SPPL3: variants seen among roughly 807,000 people sequenced by gnomAD.
SPPL3 encodes signal peptide peptidase-like 3.
SPPL3 carries 5 observed loss-of-function variants against 42.4 expected under a neutral mutation model. The ratio of observed to expected loss-of-function variants is 0.12; its 90% CI spans 0.06 to 0.25. The LOEUF is 0.25. SPPL3 is among the 10% of genes least tolerant of loss of function. The pLI is 1.00. For missense variants in SPPL3, 235 were observed against 489.0 expected, an observed-to-expected ratio of 0.48 and a Z score of 4.90; for synonymous variants, 195 against 181.8, an observed-to-expected ratio of 1.07 and a Z score of -0.58.
At chr12:120,878,176 T>G (rs1873167596) in intron 1 of SPPL3, among the ~76,000 whole-genome samples, 1 of 152,036 alleles carries the variant, frequency 6.6e-6, no homozygotes, top group Admixed American at 6.6e-5. Flanking sequence ...ACAAAAAGTA[T>G]AAAATATTTG....
intron 1 of SPPL3, among the ~76,000 whole-genome samples, chr12:120,817,933 T>G (rs1870934673): frequency 6.6e-6 from 1 of 152,096 alleles, no homozygotes; most frequent in African/African-American, 2.4e-5. Flanking sequence ...GGTTTGGGGA[T>G]CTGGGGTAAG....
intron 10 of SPPL3, 44 bp from the exon 11 acceptor site, chr12:120,765,114 G>A (rs74887195): frequency 0.023 from 37,007 of 1,587,280 alleles, 596 homozygotes; most frequent in South Asian, 0.048. Flanking sequence ...TAAACATGAG[G>A]CACACACAGC....
chr12:120,827,405 C>T (rs188909311), intron 1 of SPPL3, among the ~76,000 whole-genome samples: 74 of 150,480 alleles, frequency 4.9e-4, no homozygotes, highest in Admixed American at 8.6e-4. Flanking sequence ...TTTGGGGGCT[C>T]TTACTGAGTT....
intron 1 of SPPL3, among the ~76,000 whole-genome samples, chr12:120,815,242 G>A (rs753430404): frequency 6.6e-6 from 1 of 152,148 alleles, no homozygotes; most frequent in Non-Finnish European, 1.5e-5. Flanking sequence ...ACTCTCATCC[G>A]TAATGAACTC....
chr12:120,852,376 A>G (rs1012270324), intron 1 of SPPL3, among the ~76,000 whole-genome samples: 1 of 61,942 alleles, frequency 1.6e-5, no homozygotes, highest in African/African-American at 5.8e-5. Context: ...ATATGTATAT[A>G]TAATATACAT....
intron 1 of SPPL3, among the ~76,000 whole-genome samples, chr12:120,852,095 G>C (rs1366167855): frequency 8.9e-5 from 1 of 11,284 alleles, no homozygotes; most frequent in Non-Finnish European, 1.6e-3. Flanking sequence ...AAAATACTCT[G>C]TGATACCCAC....
chr12:120,810,446 T>C (rs987524511), intron 2 of SPPL3, among the ~76,000 whole-genome samples: 1 of 152,236 alleles, frequency 6.6e-6, no homozygotes, highest in African/African-American at 2.4e-5. Context: ...GTAGTTTTTT[T>C]TTCATATTTC....
At chr12:120,796,167 G>A (rs1870089864) in intron 2 of SPPL3, among the ~76,000 whole-genome samples, 1 of 152,120 alleles carries the variant, frequency 6.6e-6, no homozygotes, top group Non-Finnish European at 1.5e-5. Flanking sequence ...CTTGACGACA[G>A]GAGTTTGAAA....
At chr12:120,826,756 T>C (rs531146138) in intron 1 of SPPL3, among the ~76,000 whole-genome samples, 1 of 152,296 alleles carries the variant, frequency 6.6e-6, no homozygotes, top group African/African-American at 2.4e-5. Context: ...CATTAAATAA[T>C]GTCTTGGAGT....
intron 1 of SPPL3, among the ~76,000 whole-genome samples, chr12:120,817,663 C>G (rs971169775): frequency 1.1e-4 from 16 of 152,296 alleles, no homozygotes; most frequent in Admixed American, 1.0e-3. Flanking sequence ...TCTTCATTTT[C>G]CCTCTGCTAG....
At chr12:120,793,746 T>C (rs1870002468) in intron 2 of SPPL3, among the ~76,000 whole-genome samples, 1 of 152,256 alleles carries the variant, frequency 6.6e-6, no homozygotes, top group Non-Finnish European at 1.5e-5. Context: ...GGGTATTTCA[T>C]GGCAGCCTGG....
intron 1 of SPPL3, among the ~76,000 whole-genome samples, chr12:120,862,776 G>T (rs1872648278): frequency 6.6e-6 from 1 of 152,010 alleles, no homozygotes; most frequent in African/African-American, 2.4e-5. Context: ...GCCTTTCCTG[G>T]CTGGGCTCAA....
At chr12:120,833,285 G>C (rs1331031744) in intron 1 of SPPL3, among the ~76,000 whole-genome samples, 4 of 152,130 alleles carry the variant, frequency 2.6e-5, no homozygotes, top group African/African-American at 9.7e-5. Context: ...TTGGAGCATG[G>C]GTACCAGAAA....
intron 2 of SPPL3, among the ~76,000 whole-genome samples, chr12:120,795,076 T>C (rs975564420): frequency 1.3e-5 from 2 of 152,224 alleles, no homozygotes; most frequent in African/African-American, 4.8e-5. Flanking sequence ...TGTTATCTTA[T>C]AAACCTCACA....
chr12:120,892,989 A>AAAC (rs1873690007), intron 1 of SPPL3, among the ~76,000 whole-genome samples: 1 of 151,088 alleles, frequency 6.6e-6, no homozygotes, highest in Admixed American at 6.6e-5. Flanking sequence ...CTCGGGAAAA[A>AAAC]AAAAAAAAAA....
At position 120,855,872 on chromosome 12, in the gene SPPL3, T is replaced by C. The variant is rs543258149; in HGVS notation, c.24-44986A>G. On this transcript the variant is annotated intron_variant, in intron 1 of 10. Transcript: ENST00000353487. Reference sequence around the variant, plus strand: ...ATGGGGTGGTCTCATTGTCAGATTCTGTGGCTGTTCACCATGAACATGCTT... The same window carrying C: ...ATGGGGTGGTCTCATTGTCAGATTCCGTGGCTGTTCACCATGAACATGCTT... 3.3e-5 allele frequency among the ~76,000 whole-genome samples: 5 copies of C among 152,320 alleles called. No individual in the cohort carries two copies. In the East Asian group the frequency reaches 7.7e-4, roughly 23 times the overall value.
chr12:120,880,481 A>C (rs908295497), intron 1 of SPPL3, among the ~76,000 whole-genome samples: 1 of 152,058 alleles, frequency 6.6e-6, no homozygotes, highest in African/African-American at 2.4e-5. Context: ...GACAACCTAC[A>C]TAATGGGAGA....
chr12:120,871,685 G>A (rs1227764026), intron 1 of SPPL3, among the ~76,000 whole-genome samples: 8 of 151,902 alleles, frequency 5.3e-5, no homozygotes, highest in African/African-American at 1.7e-4. Flanking sequence ...CCTGCAAGGC[G>A]GAGGTTGCAG....
chr12:120,884,798 T>TG (rs1873399988), intron 1 of SPPL3, among the ~76,000 whole-genome samples: 1 of 113,492 alleles, frequency 8.8e-6, no homozygotes, highest in Non-Finnish European at 2.0e-5. Flanking sequence ...TTTTTGGGTT[T>TG]TTTTTTTGGG....
Sources: gnomAD v4.1 joint callset for allele counts (sites outside exome capture counted in the v4.1 genomes callset) on GRCh38, gnomAD v4.1.1 for gene constraint, MANE v1.5 for transcripts, NCBI Gene and HGNC (gene_info 2026-07-23, HGNC 2026-07-21) for gene names.